The following SENP1 variants were observed in gnomAD, a reference collection of about 807,000 sequenced individuals.
SENP1 encodes SUMO specific peptidase 1.
In SENP1, 21 loss-of-function variants were observed where a neutral mutation model predicts 93.0. That is an observed-to-expected ratio of 0.23 (90% CI 0.16 to 0.33). SENP1 has a LOEUF of 0.33. Among genes scored for constraint, SENP1 ranks in the 10% least tolerant of loss-of-function variants. The pLI is 1.00. For missense variants in SENP1, 591 were observed against 758.7 expected (o/e 0.78, Z 2.60); for synonymous variants, 256 against 259.6 (o/e 0.99, Z 0.13).
At chr12:48,068,798 T>C (rs1401954781) in intron 9 of SENP1, among the ~76,000 whole-genome samples, 4 of 151,860 alleles carry the variant, frequency 2.6e-5, no homozygotes, top group African/African-American at 9.7e-5. Flanking sequence ...ACTAACATTA[T>C]CTGGCAAAGT....
intron 3 of SENP1, among the ~76,000 whole-genome samples, chr12:48,096,708 G>A (rs989005963): frequency 1.2e-4 from 18 of 152,130 alleles, no homozygotes; most frequent in Non-Finnish European, 1.8e-4. Context: ...CGCCCACCTC[G>A]GCCTCCCAAA....
intron 13 of SENP1, among the ~76,000 whole-genome samples, chr12:48,056,348 TATA>T (rs1307154182): frequency 6.2e-5 from 5 of 80,866 alleles, no homozygotes; most frequent in East Asian, 5.5e-4. Context: ...ATATATTACA[TATA>T]ATATATTATT....
chr12:48,055,113 C>A, intron 13 of SENP1: 1 of 239,910 alleles, frequency 4.2e-6, no homozygotes, highest in South Asian at 6.5e-5. Flanking sequence ...CCGTGGCAGT[C>A]CAGTTACACT....
intron 5 of SENP1, among the ~76,000 whole-genome samples, chr12:48,086,973 A>C (rs1944911432): frequency 6.6e-6 from 1 of 151,840 alleles, no homozygotes; most frequent in African/African-American, 2.4e-5. Context: ...TGGGAGGCGG[A>C]GGTTGCAGTG....
chr12:48,046,416 C>T lies in SENP1; in HGVS notation c.1812G>A (p.Gly604=), dbSNP rs1395079576. 6.2e-7 allele frequency: 1 copy of T among 1,613,200 alleles called. No individual in the cohort carries two copies. The highest frequency in any genetic ancestry group is 1.1e-5 in the South Asian group (1 of 91,042). The part of the protein sequence containing the change: ...IPQQMNGSDC[G]MFACKYADCI... ...AGTCAGCATATTTGCAGGCAAACAT[C>T]CCACAGTCACTTCCATTCATCTGCT... is the stretch of plus-strand genomic sequence containing the variant. Residue 604 remains glycine (G), a synonymous_variant, in exon 17 of 18, where the codon GGG becomes GGA. Coordinates refer to ENST00000549518, the MANE Select transcript of SENP1 (RefSeq NM_001267594.2).
In SENP1 at chr12:48,044,737, T is replaced by A. The variant is rs1941242272; in HGVS notation, c.*585A>T. 1 of 153,274 alleles carries A rather than the reference T, an allele frequency of 6.5e-6. No homozygotes were observed. Among genetic ancestry groups the A allele is most frequent in the Admixed American group, 6.5e-5 (1 of 15,452 alleles). The allele number at this position is 153,274 out of a possible 1,614,324, so 9.5% of individuals were successfully genotyped here. A position where few individuals can be genotyped will look rare whatever the true frequency, so the allele number is the denominator to read the frequency against. ...AGCTACGTATAAAAGCAGATGGATT[T>A]TGTATAGGGACATATAAATAGGAAA... On this transcript the variant is annotated 3_prime_UTR_variant, in exon 18 of 18. Coordinates refer to ENST00000549518, the MANE Select transcript of SENP1 (RefSeq NM_001267594.2).
chr12:48,066,780 G>A (rs77759793), intron 10 of SENP1, 147 bp downstream of exon 10: 148,003 of 653,794 alleles, frequency 0.23, 20,966 homozygotes, highest in East Asian at 0.56. Context: ...CCAAAATGCT[G>A]GAATTACAGG....
intron 4 of SENP1, chr12:48,089,325 G>A (rs770538068): frequency 1.5e-6 from 2 of 1,348,668 alleles, no homozygotes; most frequent in Non-Finnish European, 2.0e-6. Context: ...CAGTAAGAAA[G>A]CAGGTGGGGG....
At chr12:48,067,055 T>G (rs1301581653) in intron 9 of SENP1, 90 bp from the exon 10 acceptor site, 3 of 850,250 alleles carry the variant, frequency 3.5e-6, no homozygotes, top group Non-Finnish European at 5.7e-6. Context: ...ATCATTTAAA[T>G]TGTTTATATG....
At chr12:48,087,676 A>G (rs1025900809) in intron 5 of SENP1, among the ~76,000 whole-genome samples, 2 of 152,208 alleles carry the variant, frequency 1.3e-5, no homozygotes, top group Admixed American at 1.3e-4. Context: ...ATGTGAGTGT[A>G]TGAGTGAATT....
intron 13 of SENP1, among the ~76,000 whole-genome samples, chr12:48,059,296 G>A (rs1456188009): frequency 6.6e-6 from 1 of 151,650 alleles, no homozygotes; most frequent in Non-Finnish European, 1.5e-5. Context: ...TCTTTCTTTG[G>A]CTTTTTTTGT....
rs1308912709 is a variant in SENP1 at position 48,049,103 on chromosome 12, C to T, written c.1437G>A (p.Met479Ile). ...EIINFYMNML[M>I]ERSKEKGLPS... Reference sequence around the variant, plus strand: ...GCAAGCCCTTCTCTTTACTTCGCTCCATCAGCATATTCATGTAGAAATTGA... The same window carrying T: ...GCAAGCCCTTCTCTTTACTTCGCTCTATCAGCATATTCATGTAGAAATTGA... Residue 479 changes from methionine to isoleucine, a missense_variant, in exon 14 of 18, where the codon ATG becomes ATA. Met to Ile is a conservative substitution (Grantham distance 10). Around this residue, in one of 4 missense-constraint regions of SENP1, gnomAD observed 132 missense variants for 230.1 expected, o/e 0.57. Coordinates refer to ENST00000549518, the MANE Select transcript of SENP1 (RefSeq NM_001267594.2). The T allele has an allele frequency of 5.0e-6, 8 of 1,613,438 alleles. No homozygotes were observed. Among genetic ancestry groups the T allele is most frequent in the Non-Finnish European group, 6.8e-6 (8 of 1,179,590 alleles).
intron 1 of SENP1, chr12:48,105,763 C>A: frequency 1.8e-6 from 1 of 556,292 alleles, no homozygotes; most frequent in Non-Finnish European, 3.2e-6. Context: ...GGCAGGGAGA[C>A]GGTCTCTCCG....
intron 4 of SENP1, among the ~76,000 whole-genome samples, chr12:48,093,466 T>A (rs75233344): frequency 0.23 from 34,364 of 151,672 alleles, 4,549 homozygotes; most frequent in East Asian, 0.55. Flanking sequence ...GTGTTTTTAG[T>A]AGAGACAGGG....
Position 48,058,810 on chromosome 12 carries a change from T to C in SENP1, c.1407+4900A>G, listed in dbSNP as rs145514334. Among the ~76,000 whole-genome samples, 12 of 152,290 alleles carry C rather than the reference T, an allele frequency of 7.9e-5. No homozygotes were observed. In the East Asian group the frequency reaches 2.3e-3, roughly 29 times the overall value. On this transcript the variant is annotated intron_variant, in intron 13 of 17. Coordinates refer to ENST00000549518, the MANE Select transcript of SENP1 (RefSeq NM_001267594.2). ...CTTCTTCCGCCTGAAGAACACGTAA[T>C]ATTTCTTCTGGTACAGGTCTGTTGG...
rs73301124 is a variant in SENP1, at chr12:48,046,339, T to C, written c.1872+17A>G. ...GACAAAGTAATCCTAGAGCTCCCTA[T>C]GGAAGGCTCAGCTCACCTGTGTGAA... On this transcript the variant is annotated intron_variant, in intron 17 of 17. Transcript: ENST00000549518. 1.3e-3 allele frequency: 1,981 copies of C among 1,579,584 alleles called. 27 individuals are homozygous for C. The African/African-American group carries it at 0.024, about 19-fold the overall frequency.
Position 48,074,396 on chromosome 12 carries a change from G to C in SENP1, c.868C>G (p.His290Asp). Residue 290 changes from histidine to aspartate, a missense_variant, in exon 8 of 18, where the codon CAT becomes GAT. Physicochemically the swap from His to Asp is moderately conservative, Grantham distance 81. Around this residue, in one of 4 missense-constraint regions of SENP1, gnomAD observed 238 missense variants for 259.1 expected, o/e 0.92. Transcript: ENST00000549518. ...AFGSKDSGTL[H>D]HPHHHHSVPH... Reference sequence around the variant, plus strand: ...ACAGAGTGGTGATGATGGGGATGATGAAGAGTACCAGAATCTTTGGATCCA... The same window carrying C: ...ACAGAGTGGTGATGATGGGGATGATCAAGAGTACCAGAATCTTTGGATCCA... 1 of 1,613,804 alleles carries C rather than the reference G, an allele frequency of 6.2e-7. No individual in the cohort carries two copies. Among genetic ancestry groups the C allele is most frequent in the Non-Finnish European group, 8.5e-7 (1 of 1,179,768 alleles).
chr12:48,063,706 T>C lies in SENP1; in HGVS notation c.1407+4A>G, dbSNP rs982673900. Reference sequence around the variant, plus strand: ...TTTGTATGTAAAAATAGATGCAACATTACCTCATCATTGAGCCAATTCAGA... The same window carrying C: ...TTTGTATGTAAAAATAGATGCAACACTACCTCATCATTGAGCCAATTCAGA... On this transcript the variant is annotated splice_donor_region_variant and intron_variant, in intron 13 of 17. Transcript: ENST00000549518. The C allele has an allele frequency of 3.7e-6, 6 of 1,610,236 alleles. No homozygotes were observed. Among genetic ancestry groups the C allele is most frequent in the African/African-American group, 1.3e-5 (1 of 74,838 alleles).
chr12:48,063,377 G>A (rs948668177), intron 13 of SENP1, among the ~76,000 whole-genome samples: 1 of 152,132 alleles, frequency 6.6e-6, no homozygotes, highest in African/African-American at 2.4e-5. Flanking sequence ...AACATGGTCG[G>A]CTAATACTTA....
Sources: gnomAD v4.1 joint callset for allele counts (sites outside exome capture counted in the v4.1 genomes callset) on GRCh38, gnomAD v4.1.1 for gene constraint, gnomAD v4.1.1 regional missense constraint, MANE v1.5 for transcripts, NCBI Gene and HGNC (gene_info 2026-07-23, HGNC 2026-07-21) for gene names.